NEK11: variants seen among roughly 807,000 people sequenced by gnomAD.
NEK11 encodes NIMA related kinase 11.
Under a neutral mutation model 80.7 loss-of-function variants are expected in NEK11, and 72 were observed. The observed-to-expected ratio is 0.89, with a 90% confidence interval of 0.74 to 1.08. The LOEUF is 1.08. Ranked by LOEUF, NEK11 falls within the 50% of genes least tolerant of loss-of-function variation. The pLI is 0.00. For missense variants in NEK11, 764 were observed against 763.6 expected, an observed-to-expected ratio of 1.00 and a Z score of -0.01; for synonymous variants, 251 against 260.7, an observed-to-expected ratio of 0.96 and a Z score of 0.36.
At chr3:131,070,611 A>G (rs1368251472) in intron 3 of NEK11, among the ~76,000 whole-genome samples, 1 of 152,218 alleles carries the variant, frequency 6.6e-6, no homozygotes, top group Non-Finnish European at 1.5e-5. Flanking sequence ...TATTCCAATC[A>G]CAACGACAAG....
At chr3:131,253,361 G>C (rs1265946544) in intron 16 of NEK11, among the ~76,000 whole-genome samples, 1 of 152,042 alleles carries the variant, frequency 6.6e-6, no homozygotes, top group Non-Finnish European at 1.5e-5. Context: ...AGGATATTAA[G>C]TGATTCTAGG....
At chr3:131,336,845 C>G (rs2097193934) in intron 17 of NEK11, among the ~76,000 whole-genome samples, 1 of 152,138 alleles carries the variant, frequency 6.6e-6, no homozygotes, top group Non-Finnish European at 1.5e-5. Flanking sequence ...ATTTATGCAG[C>G]CAAAAGACAC....
intron 14 of NEK11, among the ~76,000 whole-genome samples, chr3:131,217,545 C>A (rs1269241221): frequency 6.6e-6 from 1 of 152,130 alleles, no homozygotes; most frequent in Non-Finnish European, 1.5e-5. Flanking sequence ...GCAATTTTGT[C>A]ATTGAGCAAA....
chr3:131,293,418 C>T (rs1262767147), intron 17 of NEK11, among the ~76,000 whole-genome samples: 1 of 152,014 alleles, frequency 6.6e-6, no homozygotes, highest in Non-Finnish European at 1.5e-5. Flanking sequence ...CTGAACTAGC[C>T]TCACTTAGAG....
chr3:131,245,984 T>C (rs2095596532), intron 16 of NEK11, among the ~76,000 whole-genome samples: 1 of 152,150 alleles, frequency 6.6e-6, no homozygotes. Context: ...CATTTTAGTT[T>C]AATTAAGTCC....
chr3:131,107,428 C>A (rs2079376639), intron 4 of NEK11, among the ~76,000 whole-genome samples: 1 of 151,674 alleles, frequency 6.6e-6, no homozygotes, highest in Non-Finnish European at 1.5e-5. Context: ...GCAAATTTTT[C>A]TTTTCCTTTT....
At chr3:131,329,441 C>T (rs1028426401) in intron 17 of NEK11, 1 of 150,622 alleles carries the variant, frequency 6.6e-6, no homozygotes, top group Admixed American at 6.6e-5. Flanking sequence ...GCACCAAGCA[C>T]TGTTCTAGGC....
chr3:131,265,225 G>T (rs576360487), intron 16 of NEK11, among the ~76,000 whole-genome samples: 199 of 152,182 alleles, frequency 1.3e-3, no homozygotes, highest in Non-Finnish European at 2.3e-3. Context: ...TTGCCTGATT[G>T]CCCTGGCCAG....
At chr3:131,079,070 T>G (rs1276881745) in intron 3 of NEK11, among the ~76,000 whole-genome samples, 2 of 152,194 alleles carry the variant, frequency 1.3e-5, no homozygotes, top group Non-Finnish European at 2.9e-5. Context: ...TATTTTCAAG[T>G]TTTTTGGTAA....
Position 131,029,606 on chromosome 3 carries a change from C to A in NEK11, c.-96-7C>A. The A allele has an allele frequency of 1.7e-6, 2 of 1,165,070 alleles. No individual in the cohort carries two copies. The highest frequency in any genetic ancestry group is 2.5e-6 in the Non-Finnish European group (2 of 815,836). 72.2% of individuals were successfully genotyped at this position (1,165,070 alleles called of 1,614,324 possible). ...TAGACCTGATCTTTTAACTTTTCAT[C>A]TTTAAGGAACTGACCAACACTGGAT... On this transcript the variant is annotated splice_region_variant and splice_polypyrimidine_tract_variant and intron_variant, in intron 2 of 17. Transcript: ENST00000383366.
chr3:131,347,519 A>G (rs1337854867), intron 17 of NEK11, among the ~76,000 whole-genome samples: 24 of 152,248 alleles, frequency 1.6e-4, no homozygotes, highest in Admixed American at 1.6e-3. Context: ...ACAAGCTTGA[A>G]TAACACTGAA....
At chr3:131,247,025 G>A (rs1289024300) in intron 16 of NEK11, among the ~76,000 whole-genome samples, 1 of 152,002 alleles carries the variant, frequency 6.6e-6, no homozygotes, top group African/African-American at 2.4e-5. Context: ...TTAGTGCTTT[G>A]TTGGATGTAT....
At chr3:131,125,899 C>A (rs899383879) in intron 5 of NEK11, among the ~76,000 whole-genome samples, 1 of 152,192 alleles carries the variant, frequency 6.6e-6, no homozygotes, top group East Asian at 1.9e-4. Context: ...AGGGCCAGAT[C>A]TTGAAATCTC....
At chr3:131,200,864 C>G (rs895053960) in intron 14 of NEK11, among the ~76,000 whole-genome samples, 2 of 152,198 alleles carry the variant, frequency 1.3e-5, no homozygotes, top group African/African-American at 4.8e-5. Context: ...GCTTTCTGTG[C>G]TGCGAGCAGC....
intron 6 of NEK11, 48 bp downstream of exon 6, chr3:131,132,857 C>A: frequency 1.2e-6 from 1 of 806,430 alleles, no homozygotes; most frequent in South Asian, 1.7e-5. Flanking sequence ...ACAGTATATT[C>A]TAGATATTAT....
At chr3:131,073,457 A>G (rs2073796157) in intron 3 of NEK11, among the ~76,000 whole-genome samples, 1 of 152,236 alleles carries the variant, frequency 6.6e-6, no homozygotes. Flanking sequence ...AAAATATCTG[A>G]AATAATTTTA....
intron 17 of NEK11, among the ~76,000 whole-genome samples, chr3:131,318,373 G>A (rs2096864519): frequency 6.6e-6 from 1 of 152,074 alleles, no homozygotes; most frequent in African/African-American, 2.4e-5. Context: ...AGAGCAATTT[G>A]GCAACGTCTG....
intron 17 of NEK11, among the ~76,000 whole-genome samples, chr3:131,298,688 A>T (rs1248354793): frequency 6.7e-6 from 1 of 149,832 alleles, no homozygotes; most frequent in Non-Finnish European, 1.5e-5. Context: ...TAATATGCCT[A>T]GGTGGTGGTG....
chr3:131,175,751 G>A (rs781274504), intron 14 of NEK11, among the ~76,000 whole-genome samples: 8 of 152,010 alleles, frequency 5.3e-5, no homozygotes, highest in Non-Finnish European at 1.0e-4. Flanking sequence ...GCATTTTATT[G>A]TATATAAATT....
Sources: allele counts gnomAD v4.1 joint callset (sites outside exome capture counted in the v4.1 genomes callset), GRCh38; gene constraint gnomAD v4.1.1; transcripts MANE v1.5; gene names NCBI Gene and HGNC (gene_info 2026-07-23, HGNC 2026-07-21).